Variants in NFIC observed in about 807,000 individuals in gnomAD.
NFIC encodes nuclear factor I C, also known as nuclear factor 1 C-type.
Under a neutral mutation model 54.4 loss-of-function variants are expected in NFIC, and 12 were observed. The ratio of observed to expected loss-of-function variants is 0.22; its 90% CI spans 0.14 to 0.36. The LOEUF (loss-of-function observed/expected upper bound fraction) is 0.36, where lower values mean the gene tolerates loss of function less well. Ranked by LOEUF, NFIC falls within the 10% of genes least tolerant of loss-of-function variation. The pLI, the probability that NFIC is intolerant of heterozygous loss-of-function variation, is 1.00. For synonymous variants in NFIC, 322 were observed against 319.2 expected, an observed-to-expected ratio of 1.01 and a Z score of -0.09; for missense variants, 575 against 718.2, an observed-to-expected ratio of 0.80 and a Z score of 2.28.
At position 3,403,644 on chromosome 19, in the gene NFIC, T is replaced by C. The variant is rs1044456177; in HGVS notation, c.562+21401T>C. Among the ~76,000 whole-genome samples the C allele has an allele frequency of 7.9e-5, 12 of 152,332 alleles. No homozygotes were observed. The East Asian group carries it at 1.7e-3, about 22-fold the overall frequency. ...ACACAGCACCGGGCAGGCCTCGGAATTGCGGAGAGCCCTCCCCTGGGCGCC... is the reference window on the plus strand; with the variant it reads ...ACACAGCACCGGGCAGGCCTCGGAACTGCGGAGAGCCCTCCCCTGGGCGCC... On this transcript the variant is annotated intron_variant, in intron 2 of 10. Transcript: ENST00000443272.
rs2082688067 is a variant in NFIC, at chr19:3,464,417, C to T, written c.*1648C>T. Reference sequence around the variant, plus strand: ...GCCCCCCCACCCCGGCTCCCTGGCCCTATCCACACCTCCACCCCCACCCCA... The same window carrying T: ...GCCCCCCCACCCCGGCTCCCTGGCCTTATCCACACCTCCACCCCCACCCCA... On this transcript the variant is annotated 3_prime_UTR_variant, in exon 11 of 11. Coordinates refer to ENST00000443272, the MANE Select transcript of NFIC (RefSeq NM_001245002.2). The T allele has an allele frequency of 1.0e-6, 1 of 984,670 alleles. No individual in the cohort carries two copies. The highest frequency in any genetic ancestry group is 1.2e-6 in the Non-Finnish European group (1 of 829,538). 61.0% of individuals were successfully genotyped at this position (984,670 alleles called of 1,614,324 possible).
At chr19:3,435,305 G>T in intron 6 of NFIC, 98 bp downstream of exon 6, 1 of 1,428,768 alleles carries the variant, frequency 7.0e-7, no homozygotes. Flanking sequence ...CCGCGGGGCA[G>T]GAAGCCGGCC....
intron 1 of NFIC, among the ~76,000 whole-genome samples, chr19:3,376,750 C>T (rs1053860444): frequency 3.9e-5 from 6 of 151,978 alleles, no homozygotes; most frequent in Admixed American, 2.0e-4. Flanking sequence ...TATTTTGAGA[C>T]GGAGTCTCGC....
rs1491076568 is a variant in NFIC, at chr19:3,372,710, GGT to G, written c.30+6046_30+6047del. ...GTTTGCTCAAGGGGCCCAGGAGTGG[GGT>G]GGGGGGGTGCCAGGAGGCCCAGGGA... On this transcript the variant is annotated intron_variant, in intron 1 of 10. Transcript: ENST00000443272. 6.0e-5 allele frequency among the ~76,000 whole-genome samples: 9 copies of G among 149,234 alleles called. 1 individual carries two copies. Among genetic ancestry groups the G allele is most frequent in the Non-Finnish European group, 1.0e-4 (7 of 67,150 alleles).
Position 3,369,329 on chromosome 19 carries a change from GC to G in NFIC, c.30+2668del, listed in dbSNP as rs2080956127. On this transcript the variant is annotated intron_variant, in intron 1 of 10. Coordinates refer to ENST00000443272, the MANE Select transcript of NFIC (RefSeq NM_001245002.2). This position sits in a 1 kb window ranked among gnomAD's most constrained non-coding sequence, Gnocchi z 4.3. ...CCTCTGTCTCTGCGTGTCTCCCCTT[GC>G]CCCCTCTCTCCCTGTCTCTCTCTAT... Among the ~76,000 whole-genome samples, 1 of 149,980 alleles carries G rather than the reference GC, an allele frequency of 6.7e-6. No homozygotes were observed. Among genetic ancestry groups the G allele is most frequent in the South Asian group, 2.1e-4 (1 of 4,746 alleles).
chr19:3,372,041 C>T (rs1216630238), intron 1 of NFIC, among the ~76,000 whole-genome samples: 1 of 136,834 alleles, frequency 7.3e-6, no homozygotes, highest in Non-Finnish European at 1.5e-5. Flanking sequence ...CTCTCTCTCT[C>T]TCGGAGTCTT....
intron 2 of NFIC, among the ~76,000 whole-genome samples, chr19:3,401,721 CTT>C (rs1333848770): frequency 1.4e-4 from 5 of 35,294 alleles, no homozygotes; most frequent in Non-Finnish European, 4.7e-4. Context: ...GGGTTATTCT[CTT>C]TTTTTTTCTC....
chr19:3,445,401 G>A (rs997079650), intron 6 of NFIC, among the ~76,000 whole-genome samples: 33 of 152,314 alleles, frequency 2.2e-4, no homozygotes, highest in South Asian at 1.2e-3. Context: ...GGGTGGCTCA[G>A]CCTCGATGTC....
intron 1 of NFIC, among the ~76,000 whole-genome samples, chr19:3,367,980 G>C (rs1195364427): frequency 6.6e-6 from 1 of 152,162 alleles, no homozygotes; most frequent in African/African-American, 2.4e-5. Flanking sequence ...GTGCTGAGGG[G>C]GTCTGAGGTC....
intron 2 of NFIC, among the ~76,000 whole-genome samples, chr19:3,383,559 A>G (rs2081246585): frequency 6.6e-6 from 1 of 152,132 alleles, no homozygotes; most frequent in African/African-American, 2.4e-5. Flanking sequence ...GGATGGGGCT[A>G]TGGGAGGTTC....
chr19:3,378,285 G>T (rs1376502197), intron 1 of NFIC, among the ~76,000 whole-genome samples: 1 of 149,546 alleles, frequency 6.7e-6, no homozygotes, highest in Non-Finnish European at 1.5e-5. Context: ...AAAAAAAGGA[G>T]ATGGGGTTTC....
intron 2 of NFIC, among the ~76,000 whole-genome samples, chr19:3,404,345 C>A (rs1482071794): frequency 6.6e-6 from 1 of 152,098 alleles, no homozygotes; most frequent in Non-Finnish European, 1.5e-5. Context: ...TGAGGGTGTG[C>A]GTGCGGGTAT....
intron 3 of NFIC, among the ~76,000 whole-genome samples, chr19:3,429,134 T>TACACAC (rs754404318): frequency 0.076 from 5,101 of 67,086 alleles, 513 homozygotes; most frequent in Admixed American, 0.16. Flanking sequence ...AAAAAAAAAA[T>TACACAC]ATACACACAC....
chr19:3,449,770 A>AG (rs2082430469), intron 7 of NFIC, among the ~76,000 whole-genome samples: 1 of 150,878 alleles, frequency 6.6e-6, no homozygotes, highest in East Asian at 2.0e-4. Flanking sequence ...AAAAAAAAAA[A>AG]AAAAAGCTAG....
Position 3,452,750 on chromosome 19 carries a change from C to A in NFIC, c.1269+84C>A. The A allele has an allele frequency of 1.4e-6, 2 of 1,473,298 alleles. No individual in the cohort carries two copies. The highest frequency in any genetic ancestry group is 1.8e-6 in the Non-Finnish European group (2 of 1,101,726). The allele number at this position is 1,473,298 out of a possible 1,614,324, so 91.3% of individuals were successfully genotyped here. On this transcript the variant is annotated intron_variant, in intron 8 of 10. Coordinates refer to ENST00000443272, the MANE Select transcript of NFIC (RefSeq NM_001245002.2). The surrounding 1 kb of genome is among the most constrained non-coding windows in gnomAD (Gnocchi z 5.3). The stretch of plus-strand genomic sequence containing the variant: ...GCCACGTGCTCACACGAAGGCACAA[C>A]CTCTGCTTAAAAGGGTCTTGAGGAC...
intron 2 of NFIC, among the ~76,000 whole-genome samples, chr19:3,396,298 C>T (rs189043031): frequency 2.0e-5 from 3 of 152,002 alleles, no homozygotes; most frequent in South Asian, 2.1e-4. Flanking sequence ...GGTGAAACCC[C>T]GTCTCTACTA....
chr19:3,435,317 G>A, intron 6 of NFIC, 110 bp downstream of exon 6: 1 of 1,382,702 alleles, frequency 7.2e-7, no homozygotes, highest in Non-Finnish European at 9.5e-7. Context: ...AAGCCGGCCT[G>A]GAGCCGCGGG....
At chr19:3,376,606 C>T (rs934159088) in intron 1 of NFIC, among the ~76,000 whole-genome samples, 12 of 152,228 alleles carry the variant, frequency 7.9e-5, no homozygotes, top group African/African-American at 2.6e-4. Flanking sequence ...TGGTGGTTTG[C>T]ACCTGTAGTC....
At chr19:3,426,054 C>T (rs1313341475) in intron 3 of NFIC, among the ~76,000 whole-genome samples, 3 of 147,872 alleles carry the variant, frequency 2.0e-5, no homozygotes, top group Admixed American at 1.4e-4. Context: ...CCTGCCTCAG[C>T]CTCCTGAGTA....
Sources: gnomAD v4.1 joint callset for allele counts (sites outside exome capture counted in the v4.1 genomes callset) on GRCh38, gnomAD v4.1.1 for gene constraint, Gnocchi (gnomAD v3.1) non-coding constraint, MANE v1.5 for transcripts, NCBI Gene and HGNC (gene_info 2026-07-23, HGNC 2026-07-21) for gene names.